PI16: variants seen among roughly 807,000 people sequenced by gnomAD.
The protein encoded by PI16 is peptidase inhibitor 16, also known as PSP94-binding protein.
A neutral mutation model predicts 38.0 loss-of-function variants in PI16; 35 were observed. That is an observed-to-expected ratio of 0.92 (90% CI 0.70 to 1.22). PI16 has a LOEUF of 1.22. Among genes scored for constraint, PI16 ranks in the 50% most tolerant of loss-of-function variants. The pLI is 0.00. For synonymous variants in PI16, 275 were observed against 252.9 expected (o/e 1.09, Z -0.83); for missense variants, 572 against 593.8 (o/e 0.96, Z 0.38).
At chr6:36,951,266 A>G (rs540089365), upstream of PI16, among the ~76,000 whole-genome samples, 92 of 152,272 alleles carry the variant, frequency 6.0e-4, no homozygotes, top group Admixed American at 3.4e-3. Context: ...TTCTTGAGAC[A>G]GGCTCTCCCT....
intron 2 of PI16, among the ~76,000 whole-genome samples, chr6:36,960,325 ATGTGTGTG>A (rs10664545): frequency 0.015 from 2,076 of 139,986 alleles, 34 homozygotes; most frequent in South Asian, 0.032. Flanking sequence ...TGCAGATAAG[ATGTGTGTG>A]TGTGTGTGTG....
At chr6:36,958,290 C>T (rs1367915172) in intron 1 of PI16, among the ~76,000 whole-genome samples, 2 of 152,236 alleles carry the variant, frequency 1.3e-5, no homozygotes, top group African/African-American at 4.8e-5. Flanking sequence ...ATCCAGGTTT[C>T]CCCTCCTCAA....
intron 1 of PI16, among the ~76,000 whole-genome samples, chr6:36,949,714 C>T (rs763432269): frequency 9.2e-5 from 14 of 152,294 alleles, no homozygotes; most frequent in Non-Finnish European, 1.2e-4. Flanking sequence ...TTTTCAGCTA[C>T]CCATTTATTT....
Position 36,962,074 on chromosome 6 carries a change from A to C in PI16, c.592+100A>C. Reference sequence around the variant, plus strand: ...TCCCTGGACTGAGCGGGACGTGGGCAGGGAAGGAGCCTGGTGGGATGCGAC... The same window carrying C: ...TCCCTGGACTGAGCGGGACGTGGGCCGGGAAGGAGCCTGGTGGGATGCGAC... On this transcript the variant is annotated intron_variant, in intron 4 of 6. Coordinates refer to ENST00000373674, the MANE Select transcript of PI16 (RefSeq NM_153370.3). The surrounding 1 kb of genome is among the most constrained non-coding windows in gnomAD (Gnocchi z 4.1). The C allele has an allele frequency of 9.7e-7, 1 of 1,031,132 alleles. No individual in the cohort carries two copies. Among genetic ancestry groups the C allele is most frequent in the African/African-American group, 1.6e-5 (1 of 64,048 alleles). 63.9% of individuals were successfully genotyped at this position (1,031,132 alleles called of 1,614,324 possible).
intron 1 of PI16, among the ~76,000 whole-genome samples, chr6:36,956,202 C>T (rs898913224): frequency 2.0e-5 from 3 of 152,220 alleles, no homozygotes; most frequent in Non-Finnish European, 4.4e-5. Flanking sequence ...GCTCTGCACA[C>T]ACCCAGCACT....
At chr6:36,954,959 T>G (rs1470447412) in intron 1 of PI16, 28 bp downstream of exon 1, 1 of 1,606,902 alleles carries the variant, frequency 6.2e-7, no homozygotes, top group Non-Finnish European at 8.5e-7. Context: ...CCTTGCTGGC[T>G]GGGATGGAAG....
chr6:36,948,978 A>G (rs895217873), intron 1 of PI16, among the ~76,000 whole-genome samples: 6 of 151,300 alleles, frequency 4.0e-5, no homozygotes, highest in Non-Finnish European at 1.5e-5. Flanking sequence ...GATTTTTAGT[A>G]GAGACAGGGT....
At chr6:36,956,023 C>CT (rs1373181610) in intron 1 of PI16, among the ~76,000 whole-genome samples, 1 of 152,182 alleles carries the variant, frequency 6.6e-6, no homozygotes, top group East Asian at 1.9e-4. Context: ...AACAGTGAGC[C>CT]TGGGGCCCCA....
chr6:36,961,412 C>A, intron 2 of PI16, 39 bp from the exon 3 acceptor site: 1 of 1,572,558 alleles, frequency 6.4e-7, no homozygotes, highest in Non-Finnish European at 8.8e-7. Context: ...ACCATGCCAC[C>A]TCGCATGGGG....
chr6:36,961,938 T>A lies in PI16; in HGVS notation c.556T>A (p.Cys186Ser). Residue 186 changes from cysteine (C) to serine (S), a missense_variant, in exon 4 of 7, where the codon TGT (cysteine) becomes AGT (serine). Coordinates refer to ENST00000373674, the MANE Select transcript of PI16 (RefSeq NM_153370.3). Reference sequence around the variant, plus strand: ...CCAGGAGGGGACTCCGTGCTCCCAATGTCCCTCTGGCTACCACTGCAAGAA... The same window carrying A: ...CCAGGAGGGGACTCCGTGCTCCCAAAGTCCCTCTGGCTACCACTGCAAGAA... ...PYQEGTPCSQCPSGYHCKNSL... is the reference protein window; with the variant it reads ...PYQEGTPCSQSPSGYHCKNSL... 1 of 1,614,130 alleles carries A rather than the reference T, an allele frequency of 6.2e-7. No individual in the cohort carries two copies. Among genetic ancestry groups the A allele is most frequent in the Non-Finnish European group, 8.5e-7 (1 of 1,179,994 alleles).
At chr6:36,956,205 C>A (rs535663626) in intron 1 of PI16, among the ~76,000 whole-genome samples, 41 of 152,274 alleles carry the variant, frequency 2.7e-4, no homozygotes, top group African/African-American at 9.6e-4. Context: ...CTGCACACAC[C>A]CAGCACTGCC....
upstream of PI16, among the ~76,000 whole-genome samples, chr6:36,952,713 AT>A (rs1404383273): frequency 1.3e-5 from 2 of 152,218 alleles, no homozygotes; most frequent in South Asian, 4.1e-4. Context: ...TTGTGGTTAC[AT>A]ATTAAAATCA....
At chr6:36,955,610 T>C (rs2150734409) in intron 1 of PI16, among the ~76,000 whole-genome samples, 1 of 152,280 alleles carries the variant, frequency 6.6e-6, no homozygotes, top group African/African-American at 2.4e-5. Context: ...GGATTGAATC[T>C]CACAGATATC....
Position 36,962,029 on chromosome 6 carries a change from G to A in PI16, c.592+55G>A. ...GGGGGTGTGGAAATGATGCGATGCAGACTGGATGGTCTAAGAGCCTCCCTG... is the reference window on the plus strand; with the variant it reads ...GGGGGTGTGGAAATGATGCGATGCAAACTGGATGGTCTAAGAGCCTCCCTG... On this transcript the variant is annotated intron_variant, in intron 4 of 6. Transcript: ENST00000373674. The surrounding 1 kb of genome is among the most constrained non-coding windows in gnomAD (Gnocchi z 4.1). 2.1e-6 allele frequency: 3 copies of A among 1,458,092 alleles called. No individual in the cohort carries two copies. The highest frequency in any genetic ancestry group is 2.9e-6 in the Non-Finnish European group (3 of 1,037,984). 90.3% of individuals were successfully genotyped at this position (1,458,092 alleles called of 1,614,324 possible).
chr6:36,950,547 C>CTT (rs147981491), upstream of PI16, among the ~76,000 whole-genome samples: 121 of 145,074 alleles, frequency 8.3e-4, no homozygotes, highest in South Asian at 0.011. The surrounding 1 kb of genome is among the most constrained non-coding windows in gnomAD (Gnocchi z 4.2). Context: ...TGAGTCCCTG[C>CTT]TTTTTTTTTT....
Position 36,959,369 on chromosome 6 carries a change from G to C in PI16, c.393+3G>C. ...AGATGTGCGGCCACTACACGCAGGT[G>C]TGGGCCCGGCGGGCGAGGCGGGGCG... On this transcript the variant is annotated splice_donor_region_variant and intron_variant, in intron 2 of 6. Coordinates refer to ENST00000373674, the MANE Select transcript of PI16 (RefSeq NM_153370.3). 1 of 1,548,772 alleles carries C rather than the reference G, an allele frequency of 6.5e-7. No individual in the cohort carries two copies. Among genetic ancestry groups the C allele is most frequent in the Non-Finnish European group, 8.7e-7 (1 of 1,146,524 alleles).
At chr6:36,949,319 G>T (rs190734253) in intron 1 of PI16, among the ~76,000 whole-genome samples, 1 of 151,808 alleles carries the variant, frequency 6.6e-6, no homozygotes, top group African/African-American at 2.4e-5. Flanking sequence ...ATGGGGTTTC[G>T]TCATGTTGGC....
chr6:36,953,370 A>C (rs1376544687), upstream of PI16, among the ~76,000 whole-genome samples: 1 of 151,252 alleles, frequency 6.6e-6, no homozygotes, highest in Non-Finnish European at 1.5e-5. Context: ...TAAGAATTTT[A>C]TTCTTTTTAT....
chr6:36,957,224 G>A lies in PI16; in HGVS notation c.172-1921G>A, dbSNP rs993692043. Among the ~76,000 whole-genome samples the A allele has an allele frequency of 2.6e-5, 4 of 152,026 alleles. No homozygotes were observed. The South Asian group carries it at 6.2e-4, about 24-fold the overall frequency. ...GCCTATCTCTCCATCCTCCTCTCCC[G>A]CTTGCCCTTTATTCTTCTGTCACCT... is the stretch of plus-strand genomic sequence containing the variant. On this transcript the variant is annotated intron_variant, in intron 1 of 6. Coordinates refer to ENST00000373674, the MANE Select transcript of PI16 (RefSeq NM_153370.3).
Sources: allele counts gnomAD v4.1 joint callset (sites outside exome capture counted in the v4.1 genomes callset), GRCh38; gene constraint gnomAD v4.1.1; non-coding constraint Gnocchi (gnomAD v3.1); transcripts MANE v1.5; gene names NCBI Gene and HGNC (gene_info 2026-07-23, HGNC 2026-07-21).